MCM5: variants seen among roughly 807,000 people sequenced by gnomAD.
The protein encoded by MCM5 is DNA replication licensing factor MCM5.
Under a neutral mutation model 79.9 loss-of-function variants are expected in MCM5, and 46 were observed. The observed-to-expected ratio is 0.58, with a 90% CI of 0.45 to 0.74. The LOEUF (loss-of-function observed/expected upper bound fraction) is 0.74. MCM5 is among the 30% of genes least tolerant of loss of function. The pLI is 0.00. For synonymous variants in MCM5, 404 were observed against 390.5 expected, an observed-to-expected ratio of 1.03 and a Z score of -0.41; for missense variants, 883 against 1,017.0, an observed-to-expected ratio of 0.87 and a Z score of 1.79.
the MCM5 span, among the ~76,000 whole-genome samples, chr22:35,433,628 T>A: frequency 2.0e-5 from 3 of 152,108 alleles, no homozygotes; most frequent in Non-Finnish European, 4.4e-5. Flanking sequence ...TGTCCTCATA[T>A]CCCCACTCTG....
At chr22:35,432,547 C>T in the MCM5 span, among the ~76,000 whole-genome samples, 1 of 152,232 alleles carries the variant, frequency 6.6e-6, no homozygotes, top group Non-Finnish European at 1.5e-5. Context: ...GGAAGTATCT[C>T]CTCCAACTTC....
intron 9 of MCM5, among the ~76,000 whole-genome samples, chr22:35,414,848 G>C (rs1024261831): frequency 6.6e-6 from 1 of 152,122 alleles, no homozygotes; most frequent in African/African-American, 2.4e-5. Context: ...CCAAGTGTCT[G>C]ATGAGCTGGG....
At position 35,403,193 on chromosome 22, in the gene MCM5, T is replaced by C. The variant is rs2145782321; in HGVS notation, c.168-14T>C. 6.2e-7 allele frequency: 1 copy of C among 1,613,964 alleles called. No individual in the cohort carries two copies. The highest frequency in any genetic ancestry group is 8.5e-7 in the Non-Finnish European group (1 of 1,179,892). On this transcript the variant is annotated splice_polypyrimidine_tract_variant and intron_variant, in intron 2 of 16. Coordinates refer to ENST00000216122, the MANE Select transcript of MCM5 (RefSeq NM_006739.4). ...GCACCCTTCCTGCCCCACCCTGCTATGTGCCCACTCCAGGGATGAACTCAA... is the reference window on the plus strand; with the variant it reads ...GCACCCTTCCTGCCCCACCCTGCTACGTGCCCACTCCAGGGATGAACTCAA...
intron 15 of MCM5, chr22:35,421,916 C>T (rs133432): frequency 0.1 from 28,317 of 273,464 alleles, 1,973 homozygotes; most frequent in African/African-American, 0.2. Context: ...AGATCACAGT[C>T]GCTTGGCTGG....
downstream of MCM5, among the ~76,000 whole-genome samples, chr22:35,427,687 T>A (rs1569072639): frequency 6.6e-6 from 1 of 152,116 alleles, no homozygotes; most frequent in Non-Finnish European, 1.5e-5. Context: ...TCTAATGTTA[T>A]CCCTCCCTAG....
intron 7 of MCM5, 24 bp from the exon 8 acceptor site, chr22:35,412,486 C>T (rs1231203927): frequency 7.3e-6 from 11 of 1,512,302 alleles, no homozygotes; most frequent in Non-Finnish European, 9.8e-6. Flanking sequence ...TGTACTCACT[C>T]ATGCGCCTGC....
At position 35,408,557 on chromosome 22, in the gene MCM5, G is replaced by A. The variant is rs1265211393; in HGVS notation, c.746G>A (p.Cys249Tyr). ...GEMPRHMQLY[C>Y]DRYLCDKVVP... ...ATGCCCAGACACATGCAGCTCTACTGCGACAGGTGAGGCAGACGGGCTGGG... is the reference window on the plus strand; with the variant it reads ...ATGCCCAGACACATGCAGCTCTACTACGACAGGTGAGGCAGACGGGCTGGG... Residue 249 changes from cysteine to tyrosine, a missense_variant, in exon 6 of 17, where the codon TGC becomes TAC. Physicochemically the swap from Cys to Tyr is radical, Grantham distance 194 (BLOSUM62 -2). Coordinates refer to ENST00000216122, the MANE Select transcript of MCM5 (RefSeq NM_006739.4). 1 of 1,607,282 alleles carries A rather than the reference G, an allele frequency of 6.2e-7. No homozygotes were observed. Among genetic ancestry groups the A allele is most frequent in the South Asian group, 1.1e-5 (1 of 90,936 alleles).
At position 35,400,619 on chromosome 22, in the gene MCM5, G is replaced by A. The variant is rs1349417585; in HGVS notation, c.167+14G>A. 1 of 1,584,296 alleles carries A rather than the reference G, an allele frequency of 6.3e-7. No individual in the cohort carries two copies. Among genetic ancestry groups the A allele is most frequent in the Non-Finnish European group, 8.6e-7 (1 of 1,164,498 alleles). Reference sequence around the variant, plus strand: ...CTTCAAATACAGGTGCGGCTCCTGCGGGGCCGGGGGCTCGAGTTCCAGTGT... The same window carrying A: ...CTTCAAATACAGGTGCGGCTCCTGCAGGGCCGGGGGCTCGAGTTCCAGTGT... On this transcript the variant is annotated intron_variant, in intron 2 of 16. Coordinates refer to ENST00000216122, the MANE Select transcript of MCM5 (RefSeq NM_006739.4).
intron 12 of MCM5, 41 bp downstream of exon 12, chr22:35,416,855 C>G: frequency 6.3e-7 from 1 of 1,596,170 alleles, no homozygotes; most frequent in Non-Finnish European, 8.6e-7. Context: ...GGACCTGCCT[C>G]CAGGCAGGCT....
chr22:35,453,855 G>GAT, the MCM5 span, among the ~76,000 whole-genome samples: 1 of 149,286 alleles, frequency 6.7e-6, no homozygotes, highest in East Asian at 2.0e-4. Context: ...GAGATAGGGA[G>GAT]AGGGAGAGGG....
chr22:35,429,498 C>T (rs1311194498), downstream of MCM5, among the ~76,000 whole-genome samples: 2 of 151,742 alleles, frequency 1.3e-5, no homozygotes, highest in African/African-American at 2.4e-5. Flanking sequence ...GAATTCTCTC[C>T]TGCCATTCCT....
At chr22:35,426,626 C>CA (rs1932780865), downstream of MCM5, among the ~76,000 whole-genome samples, 1 of 152,216 alleles carries the variant, frequency 6.6e-6, no homozygotes, top group Non-Finnish European at 1.5e-5. Context: ...AGAAAGGGCA[C>CA]AGCAGTACAG....
the MCM5 span, among the ~76,000 whole-genome samples, chr22:35,432,330 TA>T: frequency 6.6e-6 from 1 of 152,160 alleles, no homozygotes; most frequent in Non-Finnish European, 1.5e-5. Context: ...GGTGTGTGGG[TA>T]CCGGGGTGGC....
At chr22:35,403,742 TCCC>T (rs1932130949) in intron 4 of MCM5, among the ~76,000 whole-genome samples, 200 bp downstream of exon 4, 1 of 152,194 alleles carries the variant, frequency 6.6e-6, no homozygotes, top group Non-Finnish European at 1.5e-5. Flanking sequence ...GTATAATGAA[TCCC>T]ATAAAGCTTC....
downstream of MCM5, among the ~76,000 whole-genome samples, chr22:35,428,891 C>G (rs975885715): frequency 6.1e-5 from 9 of 147,898 alleles, no homozygotes; most frequent in Middle Eastern, 3.5e-3. Flanking sequence ...CTCCTGACCT[C>G]AAGCGATCCT....
chr22:35,415,685 T>A (rs891280126), intron 9 of MCM5, 144 bp from the exon 10 acceptor site: 6 of 874,184 alleles, frequency 6.9e-6, no homozygotes, highest in Non-Finnish European at 1.1e-5. Context: ...CGCACTGAGT[T>A]GGAGCCTTGA....
the MCM5 span, among the ~76,000 whole-genome samples, chr22:35,451,937 C>T: frequency 2.0e-5 from 3 of 152,208 alleles, no homozygotes; most frequent in Non-Finnish European, 2.9e-5. Flanking sequence ...CCCCCTGGGG[C>T]AAGATCCCCT....
chr22:35,442,739 C>G, the MCM5 span, among the ~76,000 whole-genome samples: 1 of 152,200 alleles, frequency 6.6e-6, no homozygotes, highest in Non-Finnish European at 1.5e-5. Flanking sequence ...AAATAATCTC[C>G]CCATCTTAAT....
chr22:35,452,217 G>A, the MCM5 span, among the ~76,000 whole-genome samples: 4 of 152,056 alleles, frequency 2.6e-5, no homozygotes, highest in East Asian at 1.9e-4. Flanking sequence ...CTTCAGCTTC[G>A]TCCAGCACCC....
Sources: allele counts gnomAD v4.1 joint callset (sites outside exome capture counted in the v4.1 genomes callset), GRCh38; gene constraint gnomAD v4.1.1; transcripts MANE v1.5; gene names NCBI Gene and HGNC (gene_info 2026-07-23, HGNC 2026-07-21).